Variants in PKNOX2 observed in about 807,000 individuals in gnomAD.
The protein encoded by PKNOX2 is homeobox protein PKNOX2.
PKNOX2 carries 14 observed loss-of-function variants against 53.1 expected under a neutral mutation model. The observed-to-expected ratio is 0.26, with a 90% CI of 0.17 to 0.41. The LOEUF is 0.41. Among genes scored for constraint, PKNOX2 ranks in the 10% least tolerant of loss-of-function variants. The pLI is 1.00. For missense variants in PKNOX2, 496 were observed against 602.8 expected (o/e 0.82, Z 1.85); for synonymous variants, 257 against 242.8 (o/e 1.06, Z -0.54).
chr11:125,401,487 C>T (rs896370113), intron 7 of PKNOX2, among the ~76,000 whole-genome samples: 12 of 152,312 alleles, frequency 7.9e-5, no homozygotes, highest in South Asian at 4.1e-4. Context: ...GGGGTAAATA[C>T]GGTAATTACA....
chr11:125,364,041 C>T (rs540780068), intron 4 of PKNOX2, among the ~76,000 whole-genome samples: 238 of 152,314 alleles, frequency 1.6e-3, no homozygotes, highest in Non-Finnish European at 2.4e-3. Context: ...TTAATAGCCA[C>T]GCCCTGCCCC....
intron 1 of PKNOX2, among the ~76,000 whole-genome samples, chr11:125,220,427 T>C (rs550686029): frequency 1.3e-5 from 2 of 152,210 alleles, no homozygotes; most frequent in African/African-American, 4.8e-5. Context: ...AAGGGATAGA[T>C]TTGAGAAGTC....
chr11:125,293,776 GAC>G (rs144409204), intron 2 of PKNOX2, among the ~76,000 whole-genome samples: 4,074 of 149,972 alleles, frequency 0.027, 68 homozygotes, highest in Middle Eastern at 0.07. Context: ...CTCACATACT[GAC>G]ACAGACACGC....
intron 2 of PKNOX2, among the ~76,000 whole-genome samples, chr11:125,291,019 A>G (rs1386690862): frequency 6.6e-6 from 1 of 152,160 alleles, no homozygotes; most frequent in African/African-American, 2.4e-5. Flanking sequence ...CCCCGATACC[A>G]TGTCATTCCA....
chr11:125,265,180 G>A (rs777685784), intron 2 of PKNOX2, among the ~76,000 whole-genome samples: 6 of 151,998 alleles, frequency 3.9e-5, no homozygotes, highest in East Asian at 1.9e-4. Flanking sequence ...CCAGCTACTC[G>A]GAAGGCTGAG....
intron 2 of PKNOX2, among the ~76,000 whole-genome samples, chr11:125,269,043 G>C (rs1162215984): frequency 6.6e-6 from 1 of 152,198 alleles, no homozygotes; most frequent in African/African-American, 2.4e-5. Context: ...CCCTGGAACA[G>C]TGACCACAAA....
chr11:125,245,496 C>T (rs1460643502), intron 2 of PKNOX2, among the ~76,000 whole-genome samples: 2 of 152,260 alleles, frequency 1.3e-5, no homozygotes, highest in African/African-American at 4.8e-5. Context: ...TTGGAGCTCT[C>T]TCTCAAATGA....
At chr11:125,220,753 A>AG (rs1464509822) in intron 1 of PKNOX2, among the ~76,000 whole-genome samples, 1 of 152,168 alleles carries the variant, frequency 6.6e-6, no homozygotes, top group African/African-American at 2.4e-5. Flanking sequence ...ACAAAAGCAG[A>AG]GGGGATGTTC....
intron 2 of PKNOX2, among the ~76,000 whole-genome samples, chr11:125,262,591 C>T (rs1944945073): frequency 6.6e-6 from 1 of 151,968 alleles, no homozygotes; most frequent in East Asian, 1.9e-4. Context: ...TTGCCCTGCT[C>T]CCCAAGCAGC....
intron 1 of PKNOX2, among the ~76,000 whole-genome samples, chr11:125,179,249 AG>A (rs1956013285): frequency 1.3e-5 from 2 of 152,216 alleles, no homozygotes; most frequent in Admixed American, 1.3e-4. Context: ...CTATCCTGTT[AG>A]GGTTCACAGT....
At chr11:125,223,392 G>C (rs1941405243) in intron 1 of PKNOX2, among the ~76,000 whole-genome samples, 1 of 152,180 alleles carries the variant, frequency 6.6e-6, no homozygotes, top group African/African-American at 2.4e-5. Context: ...ACCATGCCCA[G>C]CTAACTTTTT....
At chr11:125,266,011 G>A (rs558173458) in intron 2 of PKNOX2, among the ~76,000 whole-genome samples, 26 of 152,250 alleles carry the variant, frequency 1.7e-4, no homozygotes, top group African/African-American at 6.0e-4. Context: ...TGGGCCCCCA[G>A]CTCCATAACT....
chr11:125,183,083 C>G, intron 1 of PKNOX2, among the ~76,000 whole-genome samples: 1 of 152,062 alleles, frequency 6.6e-6, no homozygotes, highest in East Asian at 1.9e-4. Context: ...CACTGCTGAT[C>G]AGCACCCAGG....
At chr11:125,171,178 C>A (rs1008153723) in intron 1 of PKNOX2, among the ~76,000 whole-genome samples, 2 of 152,124 alleles carry the variant, frequency 1.3e-5, no homozygotes, top group East Asian at 1.9e-4. Flanking sequence ...GAAATAGAAC[C>A]CAGTAATCGG....
At chr11:125,233,809 T>G (rs983847256) in intron 1 of PKNOX2, among the ~76,000 whole-genome samples, 8 of 152,238 alleles carry the variant, frequency 5.3e-5, no homozygotes, top group African/African-American at 1.9e-4. Context: ...CTTGTCTTAA[T>G]TAAAGGGAAA....
intron 1 of PKNOX2, among the ~76,000 whole-genome samples, chr11:125,177,703 C>A (rs1249363155): frequency 2.6e-5 from 4 of 152,194 alleles, no homozygotes; most frequent in Non-Finnish European, 5.9e-5. Flanking sequence ...CCCAGATACC[C>A]CTTCAGAGGC....
intron 2 of PKNOX2, among the ~76,000 whole-genome samples, chr11:125,256,987 T>C (rs572713640): frequency 2.3e-4 from 35 of 151,302 alleles, no homozygotes; most frequent in Admixed American, 5.9e-4. Context: ...CACTATTCCA[T>C]AGGGGCTAAT....
At chr11:125,351,246 C>A in intron 3 of PKNOX2, 38 bp from the exon 4 acceptor site, 3 of 877,964 alleles carry the variant, frequency 3.4e-6, no homozygotes, top group Non-Finnish European at 3.8e-6. Flanking sequence ...GCCTGCTCAG[C>A]GGTGTTAACG....
In PKNOX2 at chr11:125,431,376, G is replaced by T. The variant is rs1373207099; in HGVS notation, c.1403G>T (p.Ser468Ile). The T allele has an allele frequency of 6.2e-7, 1 of 1,611,348 alleles. No individual in the cohort carries two copies. The highest frequency in any genetic ancestry group is 1.1e-5 in the South Asian group (1 of 91,006). ...TNVSDLGLEH[S>I]DSLE ...GTCAGCGACCTGGGCTTGGAACACAGTGACTCCCTGGAGTAGTCGGGCAGC... is the reference window on the plus strand; with the variant it reads ...GTCAGCGACCTGGGCTTGGAACACATTGACTCCCTGGAGTAGTCGGGCAGC... Residue 468 changes from serine to isoleucine, a missense_variant, in exon 13 of 13, where the codon AGT becomes ATT. Coordinates refer to ENST00000298282, the MANE Select transcript of PKNOX2 (RefSeq NM_001382323.2).
Sources: allele counts gnomAD v4.1 joint callset (sites outside exome capture counted in the v4.1 genomes callset), GRCh38; gene constraint gnomAD v4.1.1; transcripts MANE v1.5; gene names NCBI Gene and HGNC (gene_info 2026-07-23, HGNC 2026-07-21).